The following SNX22 variants were observed in gnomAD, a reference collection of about 807,000 sequenced individuals.
SNX22 encodes sorting nexin 22, also known as sorting nexin-22.
A neutral mutation model predicts 24.7 loss-of-function variants in SNX22; 23 were observed. The ratio of observed to expected loss-of-function variants is 0.93; its 90% CI spans 0.67 to 1.32. The LOEUF (loss-of-function observed/expected upper bound fraction) is 1.32. SNX22 is among the 40% of genes most tolerant of loss of function. The pLI, the probability that SNX22 is intolerant of heterozygous loss-of-function variation, is 0.00. For synonymous variants in SNX22, 99 were observed against 104.0 expected, an observed-to-expected ratio of 0.95 and a Z score of 0.29; for missense variants, 261 against 249.9, an observed-to-expected ratio of 1.04 and a Z score of -0.30.
Position 64,156,139 on chromosome 15 carries a change from C to A in SNX22, c.*1631C>A. On this transcript the variant is annotated 3_prime_UTR_variant, in exon 7 of 7. Coordinates refer to ENST00000325881, the MANE Select transcript of SNX22 (RefSeq NM_024798.3). This position sits in a 1 kb window ranked among gnomAD's most constrained non-coding sequence, Gnocchi z 6.4. ...GTCTTGGTGCTCTCCACCTTCCGCA[C>A]CACCTCCTGGAAAAGAAAGGTGGAA... is the stretch of plus-strand genomic sequence containing the variant. 1.2e-6 allele frequency: 2 copies of A among 1,614,142 alleles called. No homozygotes were observed. The highest frequency in any genetic ancestry group is 1.7e-6 in the Non-Finnish European group (2 of 1,180,038).
rs760065852 is a variant in SNX22 at position 64,156,135 on chromosome 15, C to T, written c.*1627C>T. ...GTCTGTCTTGGTGCTCTCCACCTTC[C>T]GCACCACCTCCTGGAAAAGAAAGGT... On this transcript the variant is annotated 3_prime_UTR_variant, in exon 7 of 7. Coordinates refer to ENST00000325881, the MANE Select transcript of SNX22 (RefSeq NM_024798.3). This position sits in a 1 kb window ranked among gnomAD's most constrained non-coding sequence, Gnocchi z 6.4. The T allele has an allele frequency of 1.1e-5, 17 of 1,614,152 alleles. No homozygotes were observed. The highest frequency in any genetic ancestry group is 4.0e-5 in the African/African-American group (3 of 75,044).
chr15:64,153,873 C>A (rs2081505288), intron 5 of SNX22, 62 bp from the exon 6 acceptor site: 16 of 1,593,454 alleles, frequency 1.0e-5, no homozygotes, highest in Non-Finnish European at 1.3e-5. Flanking sequence ...CCCGTCTCCA[C>A]CCCTCTGTGG....
At chr15:64,153,067 G>T (rs985829063) in intron 3 of SNX22, 178 bp from the exon 4 acceptor site, 2 of 722,088 alleles carry the variant, frequency 2.8e-6, no homozygotes, top group Non-Finnish European at 2.3e-6. Context: ...CCGCGTCATG[G>T]GGTACAACCT....
chr15:64,151,924 C>T (rs2081488989), intron 1 of SNX22, 74 bp downstream of exon 1: 4 of 1,374,398 alleles, frequency 2.9e-6, no homozygotes, highest in East Asian at 2.8e-5. Context: ...AGTGGGGACC[C>T]GGGGCCCGGG....
At chr15:64,153,375 A>G (rs371717985) in intron 4 of SNX22, 36 bp downstream of exon 4, 3 of 1,612,432 alleles carry the variant, frequency 1.9e-6, no homozygotes, top group Admixed American at 1.7e-5. Flanking sequence ...AGGGGCTGTC[A>G]GCAGTGAGCA....
chr15:64,151,785 G>A lies in SNX22; in HGVS notation c.10G>A (p.Val4Ile), dbSNP rs1423341125. 3 of 1,536,892 alleles carry A rather than the reference G, an allele frequency of 2.0e-6. No individual in the cohort carries two copies. Among genetic ancestry groups the A allele is most frequent in the Admixed American group, 2.0e-5 (1 of 50,312 alleles). MLEVHIPSVGPEAE... is the reference protein window; with the variant it reads MLEIHIPSVGPEAE... ...TGGGGCCGGGGCGCGGATGCTGGAAGTTCACATCCCGTCGGTGGGGCCCGA... is the reference window on the plus strand; with the variant it reads ...TGGGGCCGGGGCGCGGATGCTGGAAATTCACATCCCGTCGGTGGGGCCCGA... Residue 4 changes from valine (V) to isoleucine (I), a missense_variant, in exon 1 of 7, where the codon GTT becomes ATT. Val to Ile is a conservative substitution (Grantham distance 29). Transcript: ENST00000325881.
Position 64,155,988 on chromosome 15 carries a change from A to C in SNX22, c.*1480A>C. 1 of 1,614,036 alleles carries C rather than the reference A, an allele frequency of 6.2e-7. No individual in the cohort carries two copies. Among genetic ancestry groups the C allele is most frequent in the Non-Finnish European group, 8.5e-7 (1 of 1,179,980 alleles). On this transcript the variant is annotated 3_prime_UTR_variant, in exon 7 of 7. Coordinates refer to ENST00000325881, the MANE Select transcript of SNX22 (RefSeq NM_024798.3). ...CCCTGTGGCGGACTACAGGGCCTGC[A>C]CAGACGGTCACTCAAAGAAAGATGT...
chr15:64,155,863 G>A lies in SNX22; in HGVS notation c.*1355G>A, dbSNP rs1352619145. The A allele has an allele frequency of 1.5e-5, 16 of 1,062,052 alleles. No individual in the cohort carries two copies. In the East Asian group the frequency reaches 1.9e-4, roughly 13 times the overall value. The allele number at this position is 1,062,052 out of a possible 1,614,324, so 65.8% of individuals were successfully genotyped here. On this transcript the variant is annotated 3_prime_UTR_variant, in exon 7 of 7. Transcript: ENST00000325881. ...CATTTTTTTTTATTGGTCAGTGTTG[G>A]TAGGAGTTTGTTACAAAAGTGAGTC...
At position 64,152,381 on chromosome 15, in the gene SNX22, C is replaced by T. The variant is rs1008417900; in HGVS notation, c.159+55C>T. On this transcript the variant is annotated intron_variant, in intron 2 of 6. Transcript: ENST00000325881. ...CGGCCCAGCCTCTGTCCAGCCCCCG[C>T]CCAGGCCCTGTGAGGCGGGCGGGCG... 84 of 1,470,052 alleles carry T rather than the reference C, an allele frequency of 5.7e-5. No homozygotes were observed. The East Asian group carries it at 2.0e-3, about 35-fold the overall frequency. The allele number at this position is 1,470,052 out of a possible 1,614,324, so 91.1% of individuals were successfully genotyped here. A position where few individuals can be genotyped will look rare whatever the true frequency, so the allele number is the denominator to read the frequency against.
In SNX22 at chr15:64,156,768, A is replaced by T; in HGVS notation, c.*2260A>T. The T allele has an allele frequency of 6.2e-7, 1 of 1,614,222 alleles. No individual in the cohort carries two copies. ...GCCAAACACCACATGCTTGCCATCT[A>T]GCCAGGCTGTCTTGACTGTCGTGAT... On this transcript the variant is annotated 3_prime_UTR_variant, in exon 7 of 7. Coordinates refer to ENST00000325881, the MANE Select transcript of SNX22 (RefSeq NM_024798.3). This position sits in a 1 kb window ranked among gnomAD's most constrained non-coding sequence, Gnocchi z 6.4.
intron 1 of SNX22, 162 bp from the exon 2 acceptor site, chr15:64,152,081 C>G: frequency 3.8e-6 from 3 of 797,722 alleles, no homozygotes; most frequent in Non-Finnish European, 5.5e-6. Flanking sequence ...CCAGCCGGTT[C>G]TCCCAGGTGT....
rs746287000 is a variant in SNX22, at chr15:64,153,386, G to C, written c.359+47G>C. 5 of 1,610,626 alleles carry C rather than the reference G, an allele frequency of 3.1e-6. No individual in the cohort carries two copies. The Admixed American group carries it at 8.4e-5, about 27-fold the overall frequency. On this transcript the variant is annotated intron_variant, in intron 4 of 6. Transcript: ENST00000325881. ...GGCCAGGGGCTGTCAGCAGTGAGCA[G>C]GTGAGGAAAGGTGTTGGAGGGCAAG...
In SNX22 at chr15:64,154,631, G is replaced by A. The variant is rs2081513381; in HGVS notation, c.*123G>A. The A allele has an allele frequency of 1.5e-6, 2 of 1,291,240 alleles. No homozygotes were observed. The highest frequency in any genetic ancestry group is 1.5e-5 in the South Asian group (1 of 65,294). 80.0% of individuals were successfully genotyped at this position (1,291,240 alleles called of 1,614,324 possible). ...ACTTAATTACCCAGTGCCCAGTTGT[G>A]CCACATTCCCACTCAAGGCTCAGAA... On this transcript the variant is annotated 3_prime_UTR_variant, in exon 7 of 7. Transcript: ENST00000325881.
At position 64,152,230 on chromosome 15, in the gene SNX22, C is replaced by A. The variant is rs1017669693; in HGVS notation, c.76-13C>A. On this transcript the variant is annotated splice_polypyrimidine_tract_variant and intron_variant, in intron 1 of 6. Transcript: ENST00000325881. ...GCCTCACGCGCAGACCCGCTGCCCG[C>A]CCGCGCCGCCAGGTGTTCCGAGTGG... 5.0e-6 allele frequency: 7 copies of A among 1,393,502 alleles called. No homozygotes were observed. In the Admixed American group the frequency reaches 1.4e-4, roughly 29 times the overall value. 86.3% of individuals were successfully genotyped at this position (1,393,502 alleles called of 1,614,324 possible). A position where few individuals can be genotyped will look rare whatever the true frequency, so the allele number is the denominator to read the frequency against.
In SNX22 at chr15:64,154,451, A is replaced by G. The variant is rs1203329596; in HGVS notation, c.525A>G (p.Pro175=). 3 of 1,614,162 alleles carry G rather than the reference A, an allele frequency of 1.9e-6. No individual in the cohort carries two copies. Among genetic ancestry groups the G allele is most frequent in the Non-Finnish European group, 2.5e-6 (3 of 1,180,016 alleles). ...GCCTCTACAGCTTCAGCATCAGCCCAGATAAAGCCCAGCCAAAGGCGGCCT... is the reference window on the plus strand; with the variant it reads ...GCCTCTACAGCTTCAGCATCAGCCCGGATAAAGCCCAGCCAAAGGCGGCCT... The part of the protein sequence containing the change: ...LQGLYSFSIS[P]DKAQPKAACH... Residue 175 remains proline, a synonymous_variant, in exon 7 of 7, where the codon CCA becomes CCG. Transcript: ENST00000325881.
chr15:64,155,911 G>A lies in SNX22; in HGVS notation c.*1403G>A, dbSNP rs2081526234. 3.9e-6 allele frequency: 6 copies of A among 1,519,196 alleles called. No individual in the cohort carries two copies. The highest frequency in any genetic ancestry group is 3.3e-5 in the Admixed American group (2 of 59,850). The allele number at this position is 1,519,196 out of a possible 1,614,324, so 94.1% of individuals were successfully genotyped here. A position where few individuals can be genotyped will look rare whatever the true frequency, so the allele number is the denominator to read the frequency against. On this transcript the variant is annotated 3_prime_UTR_variant, in exon 7 of 7. Coordinates refer to ENST00000325881, the MANE Select transcript of SNX22 (RefSeq NM_024798.3). The stretch of plus-strand genomic sequence containing the variant: ...GTCCATGGGCCTGTGGAATGTGAGG[G>A]GAGTGGGTCCGCTCCACCAGATGCC...
At chr15:64,154,053 A>G in intron 6 of SNX22, 51 bp downstream of exon 6, 1 of 1,613,742 alleles carries the variant, frequency 6.2e-7, no homozygotes, top group Non-Finnish European at 8.5e-7. Flanking sequence ...TGGGCTTTGC[A>G]TTTCTCGGCT....
chr15:64,152,556 G>A, intron 2 of SNX22, 82 bp from the exon 3 acceptor site: 1 of 1,394,966 alleles, frequency 7.2e-7, no homozygotes, highest in Non-Finnish European at 1.0e-6. Context: ...AGGCGGGGGC[G>A]CGGGAGGGCT....
Position 64,156,757 on chromosome 15 carries a change from G to T in SNX22, c.*2249G>T. 6.2e-7 allele frequency: 1 copy of T among 1,614,216 alleles called. No individual in the cohort carries two copies. The highest frequency in any genetic ancestry group is 8.5e-7 in the Non-Finnish European group (1 of 1,180,050). ...TCTAGAACTTTGCCAAACACCACAT[G>T]CTTGCCATCTAGCCAGGCTGTCTTG... On this transcript the variant is annotated 3_prime_UTR_variant, in exon 7 of 7. Coordinates refer to ENST00000325881, the MANE Select transcript of SNX22 (RefSeq NM_024798.3). This position sits in a 1 kb window ranked among gnomAD's most constrained non-coding sequence, Gnocchi z 6.4.
Sources: gnomAD v4.1 joint callset for allele counts on GRCh38, gnomAD v4.1.1 for gene constraint, Gnocchi (gnomAD v3.1) non-coding constraint, MANE v1.5 for transcripts, NCBI Gene and HGNC (gene_info 2026-07-23, HGNC 2026-07-21) for gene names.